Variants in PSG8 observed in about 807,000 individuals in gnomAD.
PSG8 encodes pregnancy specific beta-1-glycoprotein 8.
PSG8 carries 57 observed loss-of-function variants against 42.5 expected under a neutral mutation model. The observed-to-expected ratio is 1.34, with a 90% CI of 1.08 to 1.67. The LOEUF is 1.67. Among genes scored for constraint, PSG8 ranks in the 40% most tolerant of loss-of-function variants. The pLI is 0.00. For synonymous variants in PSG8, 280 were observed against 196.8 expected (o/e 1.42, Z -3.54); for missense variants, 783 against 518.6 (o/e 1.51, Z -4.95).
rs751977560 is a variant in PSG8, at chr19:42,765,481, C to T, written c.64+37G>A. 3.7e-6 allele frequency: 6 copies of T among 1,607,426 alleles called. No individual in the cohort carries two copies. In the Admixed American group the frequency reaches 1.0e-4, roughly 27 times the overall value. The stretch of plus-strand genomic sequence containing the variant: ...GAGACCCCATCCAGTCACTCTGCTT[C>T]CTCCTCCTGTCCTCTCCCAGGAGGT... On this transcript the variant is annotated intron_variant, in intron 1 of 4. Coordinates refer to ENST00000306511, the MANE Select transcript of PSG8 (RefSeq NM_182707.3).
chr19:42,757,700 A>G (rs773790159), intron 3 of PSG8, among the ~76,000 whole-genome samples: 3 of 152,182 alleles, frequency 2.0e-5, no homozygotes, highest in East Asian at 3.8e-4. Context: ...CCAAGTCACA[A>G]CATTGAAGTC....
In PSG8 at chr19:42,764,140, T is replaced by A. The variant is rs2122285204; in HGVS notation, c.206A>T (p.Lys69Ile). Residue 69 changes from lysine (K) to isoleucine (I), a missense_variant, in exon 2 of 5, where the codon AAA becomes ATA. Transcript: ENST00000306511. The part of the protein sequence containing the change: ...PQNLTGYIWY[K>I]GQIRDLYHYI... ...ATGGTAGAGGTCCCTGATTTGCCCTTTGTACCAGATGTAGCCAGTAAGATT... is the reference window on the plus strand; with the variant it reads ...ATGGTAGAGGTCCCTGATTTGCCCTATGTACCAGATGTAGCCAGTAAGATT... 6.2e-7 allele frequency: 1 copy of A among 1,613,888 alleles called. No individual in the cohort carries two copies. Among genetic ancestry groups the A allele is most frequent in the East Asian group, 2.2e-5 (1 of 44,858 alleles).
rs201774677 is a variant in PSG8 at position 42,764,159 on chromosome 19, T to G, written c.187A>C (p.Thr63Pro). 3.1e-6 allele frequency: 5 copies of G among 1,613,918 alleles called. No homozygotes were observed. The South Asian group carries it at 3.3e-5, about 11-fold the overall frequency. ...LLVHNLPQNL[T>P]GYIWYKGQIR... ...TGCCCTTTGTACCAGATGTAGCCAG[T>G]AAGATTCTGGGGCAAATTGTGGACA... Residue 63 changes from threonine to proline, a missense_variant, in exon 2 of 5, where the codon ACT (threonine) becomes CCT (proline). Thr to Pro is a conservative substitution (Grantham distance 38). Transcript: ENST00000306511.
intron 3 of PSG8, among the ~76,000 whole-genome samples, chr19:42,756,631 T>TC (rs973725942): frequency 6.6e-6 from 1 of 152,096 alleles, no homozygotes; most frequent in African/African-American, 2.4e-5. Context: ...CCTTTTTTTT[T>TC]CTCTCACCAC....
intron 1 of PSG8, 54 bp from the exon 2 acceptor site, chr19:42,764,335 A>G (rs368369126): frequency 1.5e-5 from 24 of 1,568,640 alleles, no homozygotes; most frequent in East Asian, 1.3e-4. Flanking sequence ...TTGGTGTGAA[A>G]ACATGGGGCC....
rs1189646092 is a variant in PSG8 at position 42,758,038 on chromosome 19, C to T, written c.673G>A (p.Ala225Thr). 8.7e-6 allele frequency: 14 copies of T among 1,614,038 alleles called. No individual in the cohort carries two copies. In the Middle Eastern group the frequency reaches 6.6e-4, roughly 76 times the overall value. The change falls in exon 3 of 5, where the codon GCC becomes ACC. Residue 225 changes from alanine to threonine, a missense_variant. Physicochemically the swap from Ala to Thr is moderately conservative, Grantham distance 58. Coordinates refer to ENST00000306511, the MANE Select transcript of PSG8 (RefSeq NM_182707.3). ...YECEIRNPVS[A>T]SRSDPFTLNL... is the part of the protein sequence containing the mutation. The stretch of plus-strand genomic sequence containing the variant: ...AGGGTGAATGGGTCACTGCGGCTGG[C>T]ACTCACTGGGTTCCGTATTTCACAT...
At chr19:42,758,381 C>A (rs1023349413) in intron 2 of PSG8, 101 bp from the exon 3 acceptor site, 5 of 1,538,724 alleles carry the variant, frequency 3.2e-6, no homozygotes. Context: ...TCAGCCCACC[C>A]AAGTCCTTAA....
chr19:42,755,624 G>A, intron 3 of PSG8: 1 of 365,184 alleles, frequency 2.7e-6, no homozygotes, highest in Non-Finnish European at 4.9e-6. Context: ...GCAACTGGTG[G>A]GCCCCTTCCA....
chr19:42,755,471 C>T lies in PSG8; in HGVS notation c.710-205G>A, dbSNP rs1969901176. The T allele has an allele frequency of 1.3e-5, 14 of 1,118,840 alleles. No homozygotes were observed. In the East Asian group the frequency reaches 2.8e-4, roughly 22 times the overall value. 69.3% of individuals were successfully genotyped at this position (1,118,840 alleles called of 1,614,324 possible). A position where few individuals can be genotyped will look rare whatever the true frequency, so the allele number is the denominator to read the frequency against. The stretch of plus-strand genomic sequence containing the variant: ...CCAGCTGCTCTGTCTTAGGGAAGCA[C>T]AGACTTTCTCAAGTGTCAATTGAGC... On this transcript the variant is annotated intron_variant, in intron 3 of 4. Coordinates refer to ENST00000306511, the MANE Select transcript of PSG8 (RefSeq NM_182707.3).
Position 42,758,109 on chromosome 19 carries a change from G to T in PSG8, c.602C>A (p.Thr201Asn), listed in dbSNP as rs1410645787. The T allele has an allele frequency of 1.2e-6, 2 of 1,613,866 alleles. No homozygotes were observed. Among genetic ancestry groups the T allele is most frequent in the Non-Finnish European group, 8.5e-7 (1 of 1,179,964 alleles). Residue 201 changes from threonine (T) to asparagine (N), a missense_variant, in exon 3 of 5, where the codon ACC becomes AAC. Coordinates refer to ENST00000306511, the MANE Select transcript of PSG8 (RefSeq NM_182707.3). ...HRLQLSETNRTLFLLGVTKYT... is the reference protein window; with the variant it reads ...HRLQLSETNRNLFLLGVTKYT... The stretch of plus-strand genomic sequence containing the variant: ...CTTTGTGACACCCAATAGAAAGAGG[G>T]TCCTGTTGGTTTCAGACAACTGCAA...
intron 2 of PSG8, among the ~76,000 whole-genome samples, chr19:42,762,235 CAGAG>C (rs1568379484): frequency 6.6e-6 from 1 of 150,456 alleles, no homozygotes; most frequent in East Asian, 2.0e-4. Context: ...CACAGAGAAG[CAGAG>C]AGAGGCAGAG....
At position 42,764,245 on chromosome 19, in the gene PSG8, G is replaced by T; in HGVS notation, c.101C>A (p.Ala34Asp). The T allele has an allele frequency of 6.2e-7, 1 of 1,613,702 alleles. No individual in the cohort carries two copies. Among genetic ancestry groups the T allele is most frequent in the Non-Finnish European group, 8.5e-7 (1 of 1,179,790 alleles). The change falls in exon 2 of 5, where the codon GCC (alanine) becomes GAC (aspartate). Residue 34 changes from alanine (A) to aspartate (D), a missense_variant. Transcript: ENST00000306511. The part of the protein sequence containing the change: ...LLNFWNPPTT[A>D]QVTIEAQPTK... ...TGGCTGGGCTTCAATCGTGACTTGG[G>T]CAGTCGTGGGTGGGTTCCAGAAGTT...
intron 2 of PSG8, among the ~76,000 whole-genome samples, chr19:42,762,867 C>T (rs1245806954): frequency 6.6e-6 from 1 of 152,076 alleles, no homozygotes; most frequent in African/African-American, 2.4e-5. Flanking sequence ...CTATGGGGTG[C>T]TTGGAAGCCA....
intron 3 of PSG8, 62 bp downstream of exon 3, chr19:42,757,940 G>C (rs1969968229): frequency 8.7e-6 from 14 of 1,613,884 alleles, no homozygotes; most frequent in African/African-American, 2.7e-5. Context: ...TGAGAGGCCT[G>C]GTCTCTGGCC....
chr19:42,757,769 C>G (rs1366928706), intron 3 of PSG8, among the ~76,000 whole-genome samples: 2 of 152,128 alleles, frequency 1.3e-5, no homozygotes, highest in Non-Finnish European at 2.9e-5. Flanking sequence ...CCTGTTTCTC[C>G]CATCACAAGC....
At chr19:42,764,768 G>A (rs1428295705) in intron 1 of PSG8, among the ~76,000 whole-genome samples, 2 of 152,042 alleles carry the variant, frequency 1.3e-5, no homozygotes, top group Non-Finnish European at 2.9e-5. Context: ...ATGACAGCGT[G>A]AGCTCCATGA....
At chr19:42,758,379 C>A (rs1276597226) in intron 2 of PSG8, 99 bp from the exon 3 acceptor site, 4 of 1,539,814 alleles carry the variant, frequency 2.6e-6, no homozygotes, top group African/African-American at 1.4e-5. Flanking sequence ...TCTCAGCCCA[C>A]CCAAGTCCTT....
intron 3 of PSG8, chr19:42,755,545 G>A (rs998344391): frequency 1.2e-5 from 8 of 686,776 alleles, no homozygotes; most frequent in African/African-American, 1.1e-4. Context: ...CACAGCCCCT[G>A]GTATCCCTCC....
chr19:42,758,102 A>G lies in PSG8; in HGVS notation c.609T>C (p.Phe203=), dbSNP rs1170157549. 1.2e-6 allele frequency: 2 copies of G among 1,613,898 alleles called. No homozygotes were observed. The highest frequency in any genetic ancestry group is 1.7e-5 in the Admixed American group (1 of 59,990). ...CAGTGTACTTTGTGACACCCAATAG[A>G]AAGAGGGTCCTGTTGGTTTCAGACA... ...LQLSETNRTL[F]LLGVTKYTAG... is the part of the protein sequence containing the mutation. The change falls in exon 3 of 5, where the codon TTT becomes TTC. Residue 203 remains phenylalanine (F), a synonymous_variant. Coordinates refer to ENST00000306511, the MANE Select transcript of PSG8 (RefSeq NM_182707.3).
Sources: gnomAD v4.1 joint callset for allele counts (sites outside exome capture counted in the v4.1 genomes callset) on GRCh38, gnomAD v4.1.1 for gene constraint, MANE v1.5 for transcripts, NCBI Gene and HGNC (gene_info 2026-07-23, HGNC 2026-07-21) for gene names.